Variants in CDH4 observed in about 807,000 individuals in gnomAD.
CDH4 encodes cadherin-4.
A neutral mutation model predicts 86.0 loss-of-function variants in CDH4; 33 were observed. The observed-to-expected ratio is 0.38, with a 90% CI of 0.29 to 0.51. The LOEUF is 0.51. CDH4 is among the 20% of genes least tolerant of loss of function. The probability of loss-of-function intolerance (pLI) is 0.86; values close to 1 mark genes in which losing one functional copy is unlikely to be tolerated. For synonymous variants in CDH4, 555 were observed against 549.4 expected (o/e 1.01, Z -0.14); for missense variants, 1,114 against 1,307.4 (o/e 0.85, Z 2.28).
chr20:61,476,886 T>G (rs1240656920), intron 2 of CDH4, among the ~76,000 whole-genome samples: 4 of 152,186 alleles, frequency 2.6e-5, no homozygotes, highest in Non-Finnish European at 4.4e-5. Flanking sequence ...TCCAGTCAGG[T>G]GGACAGGATC....
At chr20:61,609,689 G>A (rs749165080) in intron 2 of CDH4, among the ~76,000 whole-genome samples, 5 of 152,168 alleles carry the variant, frequency 3.3e-5, no homozygotes, top group African/African-American at 9.7e-5. Context: ...TGGTCACCTC[G>A]TGTCTTCCCT....
At chr20:61,860,547 G>A (rs34825096) in intron 6 of CDH4, among the ~76,000 whole-genome samples, 45,085 of 152,038 alleles carry the variant, frequency 0.3, 8,292 homozygotes, top group Non-Finnish European at 0.41. Flanking sequence ...CTGCTCCCAG[G>A]AGATGTCTGG....
chr20:61,801,775 C>T (rs2146032661), intron 4 of CDH4, among the ~76,000 whole-genome samples: 1 of 152,360 alleles, frequency 6.6e-6, no homozygotes, highest in Non-Finnish European at 1.5e-5. Flanking sequence ...CTTTCCACAT[C>T]ACCTTCTCCT....
intron 2 of CDH4, among the ~76,000 whole-genome samples, chr20:61,468,546 ACAAT>A (rs1335898045): frequency 6.6e-6 from 1 of 152,182 alleles, no homozygotes; most frequent in African/African-American, 2.4e-5. Flanking sequence ...TGTATTCCAA[ACAAT>A]CCAGTTACAT....
chr20:61,464,040 C>T (rs1056132359), intron 2 of CDH4, among the ~76,000 whole-genome samples: 1 of 152,216 alleles, frequency 6.6e-6, no homozygotes, highest in Non-Finnish European at 1.5e-5. Flanking sequence ...AGTTCAGGTG[C>T]ATAATAATGC....
intron 2 of CDH4, among the ~76,000 whole-genome samples, chr20:61,651,462 A>G (rs557653686): frequency 1.3e-3 from 199 of 152,070 alleles, no homozygotes; most frequent in Non-Finnish European, 2.4e-3. Context: ...CCGCTTTCCC[A>G]CCCCTTATGA....
chr20:61,286,736 T>C (rs541649401), intron 2 of CDH4, among the ~76,000 whole-genome samples: 1 of 152,354 alleles, frequency 6.6e-6, no homozygotes, highest in Non-Finnish European at 1.5e-5. Context: ...CCCGAATAGC[T>C]GACGAGTTCA....
At chr20:61,651,278 C>T (rs554286862) in intron 2 of CDH4, among the ~76,000 whole-genome samples, 4 of 152,244 alleles carry the variant, frequency 2.6e-5, no homozygotes, top group Non-Finnish European at 5.9e-5. Context: ...GTTCTGATTG[C>T]AGGGTCTCAA....
chr20:61,265,067 C>T (rs1216663798), intron 2 of CDH4, among the ~76,000 whole-genome samples: 2 of 152,008 alleles, frequency 1.3e-5, no homozygotes, highest in Non-Finnish European at 2.9e-5. Context: ...GTGGCTCCTT[C>T]ATTCAATCTT....
intron 2 of CDH4, among the ~76,000 whole-genome samples, chr20:61,643,624 G>A (rs763515170): frequency 5.3e-5 from 8 of 152,180 alleles, no homozygotes; most frequent in South Asian, 4.1e-4. Context: ...TAGTGTAATC[G>A]GACCAGGCTT....
At chr20:61,382,976 C>CA (rs1459238594) in intron 2 of CDH4, among the ~76,000 whole-genome samples, 6 of 147,966 alleles carry the variant, frequency 4.1e-5, no homozygotes, top group South Asian at 4.2e-4. Context: ...GGTACACAGA[C>CA]AAAAAAAACC....
intron 2 of CDH4, among the ~76,000 whole-genome samples, chr20:61,637,936 G>A (rs907839489): frequency 3.9e-5 from 6 of 151,902 alleles, no homozygotes; most frequent in East Asian, 1.9e-4. Context: ...CAGGAGAATC[G>A]CTGGAAGGAG....
intron 2 of CDH4, among the ~76,000 whole-genome samples, chr20:61,565,367 TGGTGGTGGTCCTCTTGGTGATGG>T (rs1568689225): frequency 7.7e-5 from 3 of 38,840 alleles, no homozygotes; most frequent in African/African-American, 2.1e-4. Flanking sequence ...GGGGTGATGG[TGGTGGTGGTCCTCTTGGTGATGG>T]GGTGATGGTG....
At chr20:61,433,346 G>A (rs1049619771) in intron 2 of CDH4, among the ~76,000 whole-genome samples, 9 of 152,074 alleles carry the variant, frequency 5.9e-5, no homozygotes, top group African/African-American at 1.7e-4. Context: ...CTGCTCTGAC[G>A]CCTTCCTTCT....
At chr20:61,780,872 G>T (rs940735733) in intron 4 of CDH4, among the ~76,000 whole-genome samples, 1 of 152,190 alleles carries the variant, frequency 6.6e-6, no homozygotes, top group Non-Finnish European at 1.5e-5. Flanking sequence ...AGCCACAGAC[G>T]TGCTGGTCAC....
chr20:61,840,264 T>C (rs1457608844), intron 4 of CDH4, among the ~76,000 whole-genome samples: 1 of 152,116 alleles, frequency 6.6e-6, no homozygotes, highest in Non-Finnish European at 1.5e-5. Flanking sequence ...TCCCGGTGGG[T>C]GGGTCTCTCC....
At chr20:61,906,616 C>T (rs2054791732) in intron 8 of CDH4, among the ~76,000 whole-genome samples, 1 of 152,244 alleles carries the variant, frequency 6.6e-6, no homozygotes, top group Admixed American at 6.5e-5. Flanking sequence ...GAGGGAGTGG[C>T]CCTGAGCCAG....
intron 2 of CDH4, among the ~76,000 whole-genome samples, chr20:61,585,359 C>T (rs1046304736): frequency 3.3e-5 from 5 of 152,186 alleles, no homozygotes; most frequent in African/African-American, 9.7e-5. Flanking sequence ...TTCTCCTGTC[C>T]TTCAATTCTA....
At chr20:61,487,431 T>C (rs1469391323) in intron 2 of CDH4, among the ~76,000 whole-genome samples, 1 of 152,156 alleles carries the variant, frequency 6.6e-6, no homozygotes, top group Non-Finnish European at 1.5e-5. Flanking sequence ...TTTTAATTTA[T>C]TTATTGGTTC....
Sources: gnomAD v4.1 joint callset for allele counts (sites outside exome capture counted in the v4.1 genomes callset) on GRCh38, gnomAD v4.1.1 for gene constraint, MANE v1.5 for transcripts, NCBI Gene and HGNC (gene_info 2026-07-23, HGNC 2026-07-21) for gene names.